Variants in CYP2J2 observed in about 807,000 individuals in gnomAD.
The protein encoded by CYP2J2 is cytochrome P450 family 2 subfamily J member 2, also known as cytochrome P450 2J2.
In CYP2J2, 41 loss-of-function variants were observed where a neutral mutation model predicts 48.8. The ratio of observed to expected loss-of-function variants is 0.84; its 90% CI spans 0.66 to 1.09. The LOEUF (loss-of-function observed/expected upper bound fraction) is 1.09. Among genes scored for constraint, CYP2J2 ranks in the 50% least tolerant of loss-of-function variants. The pLI, the probability that CYP2J2 is intolerant of heterozygous loss-of-function variation, is 0.00. For synonymous variants in CYP2J2, 221 were observed against 227.1 expected (o/e 0.97, Z 0.24); for missense variants, 644 against 617.3 (o/e 1.04, Z -0.46).
chr1:59,960,406 G>A, the CYP2J2 span, among the ~76,000 whole-genome samples: 17 of 152,218 alleles, frequency 1.1e-4, 1 homozygote, highest in South Asian at 1.0e-3. Context: ...TTAATTCCAC[G>A]GCACTTTCAG....
rs188148662 is a variant in CYP2J2 at position 59,896,230 on chromosome 1, G to A, written c.1331-2401C>T. On this transcript the variant is annotated intron_variant, in intron 8 of 8. Coordinates refer to ENST00000371204, the MANE Select transcript of CYP2J2 (RefSeq NM_000775.4). The stretch of plus-strand genomic sequence containing the variant: ...GTTGTTGCCCCTAGCTTATATCAGT[G>A]GGCAGAGCTAAGAAATATATGTATG... Among the ~76,000 whole-genome samples, 308 of 151,944 alleles carry A rather than the reference G, an allele frequency of 2.0e-3. 1 individual carries two copies. Among genetic ancestry groups the A allele is most frequent in the African/African-American group, 7.2e-3 (299 of 41,418 alleles).
At chr1:59,937,150 T>C in the CYP2J2 span, among the ~76,000 whole-genome samples, 1 of 152,196 alleles carries the variant, frequency 6.6e-6, no homozygotes, top group Admixed American at 6.5e-5. Context: ...TCTTGTTACC[T>C]CTCCATTTCC....
chr1:59,950,055 T>C, the CYP2J2 span, among the ~76,000 whole-genome samples: 1 of 152,300 alleles, frequency 6.6e-6, no homozygotes, highest in Admixed American at 6.5e-5. Context: ...CAAGACTCTC[T>C]AACAACTAAT....
the CYP2J2 span, among the ~76,000 whole-genome samples, chr1:59,967,919 G>T: frequency 6.6e-6 from 1 of 152,174 alleles, no homozygotes; most frequent in Non-Finnish European, 1.5e-5. Context: ...CAGACAAACA[G>T]CTGCACGGTC....
chr1:59,921,750 A>G (rs1644517411), intron 1 of CYP2J2, among the ~76,000 whole-genome samples: 1 of 152,050 alleles, frequency 6.6e-6, no homozygotes, highest in African/African-American at 2.4e-5. Flanking sequence ...TTAATCCTAA[A>G]GAGACCTAGA....
the CYP2J2 span, among the ~76,000 whole-genome samples, chr1:59,966,702 T>C: frequency 6.6e-6 from 1 of 152,172 alleles, no homozygotes; most frequent in African/African-American, 2.4e-5. Flanking sequence ...ATTTCTTTAG[T>C]AGCAACACCT....
intron 8 of CYP2J2, among the ~76,000 whole-genome samples, chr1:59,899,752 A>G (rs1644300618): frequency 6.6e-6 from 1 of 152,200 alleles, no homozygotes; most frequent in African/African-American, 2.4e-5. Flanking sequence ...TGGTTATAGT[A>G]ATATAAACTT....
At chr1:59,949,962 G>A in the CYP2J2 span, among the ~76,000 whole-genome samples, 1 of 152,010 alleles carries the variant, frequency 6.6e-6, no homozygotes, top group African/African-American at 2.4e-5. Context: ...TTTTCCTCCT[G>A]TTGTTGTTCT....
chr1:59,926,881 A>T, upstream of CYP2J2: 1 of 775,484 alleles, frequency 1.3e-6, no homozygotes, highest in East Asian at 2.7e-5. Flanking sequence ...CGAAGATGCC[A>T]GGCGCTGGAT....
Position 59,916,241 on chromosome 1 carries a change from G to A in CYP2J2, c.211-141C>T, listed in dbSNP as rs570001556. 2.3e-5 allele frequency: 14 copies of A among 605,690 alleles called. No homozygotes were observed. The South Asian group carries it at 2.9e-4, about 12-fold the overall frequency. The allele number at this position is 605,690 out of a possible 1,614,324, so 37.5% of individuals were successfully genotyped here. On this transcript the variant is annotated intron_variant, in intron 1 of 8. Transcript: ENST00000371204. ...TGTGTGTACGTGTGTGTGTGTGTGT[G>A]TGTGAGTGAGTGTACATTGGTCTCA...
In CYP2J2 at chr1:59,901,044, G is replaced by A. The variant is rs1644315091; in HGVS notation, c.1251C>T (p.Thr417=). The part of the protein sequence containing the change: ...ALHRDPTEWA[T]PDTFNPDHFL... ...AATGGTCCGGATTGAATGTGTCAGG[G>A]GTGGCCCACTCTGTGGGGTCCCTGT... is the stretch of plus-strand genomic sequence containing the variant. Residue 417 remains threonine, a synonymous_variant, in exon 8 of 9, where the codon ACC becomes ACT. Coordinates refer to ENST00000371204, the MANE Select transcript of CYP2J2 (RefSeq NM_000775.4). 6.2e-7 allele frequency: 1 copy of A among 1,614,024 alleles called. No individual in the cohort carries two copies. The highest frequency in any genetic ancestry group is 8.5e-7 in the Non-Finnish European group (1 of 1,180,010).
chr1:59,920,522 G>A (rs1444471807), intron 1 of CYP2J2, among the ~76,000 whole-genome samples: 2 of 152,098 alleles, frequency 1.3e-5, no homozygotes, highest in Non-Finnish European at 2.9e-5. Context: ...AACCACATAA[G>A]AGGACCAGGG....
At chr1:59,900,549 G>T (rs1459456589) in intron 8 of CYP2J2, among the ~76,000 whole-genome samples, 3 of 152,130 alleles carry the variant, frequency 2.0e-5, no homozygotes, top group Non-Finnish European at 4.4e-5. Flanking sequence ...CAGGAGAATC[G>T]CTTGAACCTG....
At chr1:59,961,122 A>T in the CYP2J2 span, among the ~76,000 whole-genome samples, 1 of 152,204 alleles carries the variant, frequency 6.6e-6, no homozygotes, top group Non-Finnish European at 1.5e-5. Flanking sequence ...CAAGCAATAA[A>T]ATAAAACATG....
chr1:59,914,216 A>G (rs1644444132), intron 2 of CYP2J2, among the ~76,000 whole-genome samples: 1 of 152,204 alleles, frequency 6.6e-6, no homozygotes, highest in South Asian at 2.1e-4. Flanking sequence ...ACTACATAGG[A>G]TATGGATTTT....
the CYP2J2 span, among the ~76,000 whole-genome samples, chr1:59,947,742 G>A: frequency 2.0e-5 from 3 of 152,228 alleles, no homozygotes; most frequent in East Asian, 5.8e-4. Context: ...CATAATCTGG[G>A]CCAGCTTAAC....
At chr1:59,915,875 C>T (rs1644460123) in intron 2 of CYP2J2, 63 bp downstream of exon 2, 8 of 1,490,914 alleles carry the variant, frequency 5.4e-6, no homozygotes, top group African/African-American at 2.8e-5. Flanking sequence ...CACCAAGGTG[C>T]CTTTAACAGA....
At chr1:59,935,580 A>C in the CYP2J2 span, among the ~76,000 whole-genome samples, 1 of 152,202 alleles carries the variant, frequency 6.6e-6, no homozygotes, top group African/African-American at 2.4e-5. Flanking sequence ...ATAAAAGATA[A>C]CCCAAAAGAA....
chr1:59,923,359 G>T (rs1174159011), intron 1 of CYP2J2, among the ~76,000 whole-genome samples: 2 of 152,180 alleles, frequency 1.3e-5, no homozygotes, highest in Non-Finnish European at 2.9e-5. Context: ...TAAAAGATCT[G>T]TATAGTATCC....
Sources: gnomAD v4.1 joint callset for allele counts (sites outside exome capture counted in the v4.1 genomes callset) on GRCh38, gnomAD v4.1.1 for gene constraint, MANE v1.5 for transcripts, NCBI Gene and HGNC (gene_info 2026-07-23, HGNC 2026-07-21) for gene names.